C1QTNF3: variants seen among roughly 807,000 people sequenced by gnomAD.
C1QTNF3 encodes C1q and TNF related 3.
Under a neutral mutation model 32.6 loss-of-function variants are expected in C1QTNF3, and 26 were observed. The observed-to-expected ratio is 0.80, with a 90% CI of 0.58 to 1.11. The LOEUF (loss-of-function observed/expected upper bound fraction) is 1.11, where lower values mean the gene tolerates loss of function less well. Among genes scored for constraint, C1QTNF3 ranks in the 50% least tolerant of loss-of-function variants. C1QTNF3 has a pLI of 0.00. For missense variants in C1QTNF3, 362 were observed against 398.2 expected, an observed-to-expected ratio of 0.91 and a Z score of 0.77; for synonymous variants, 155 against 146.0, an observed-to-expected ratio of 1.06 and a Z score of -0.44.
the C1QTNF3 span, among the ~76,000 whole-genome samples, chr5:34,129,390 T>C: frequency 6.6e-6 from 1 of 152,192 alleles, no homozygotes; most frequent in Non-Finnish European, 1.5e-5. Context: ...AGCTGAATTC[T>C]AGAAGTAGAG....
At chr5:34,131,652 G>C in the C1QTNF3 span, among the ~76,000 whole-genome samples, 14 of 152,312 alleles carry the variant, frequency 9.2e-5, no homozygotes, top group East Asian at 2.1e-3. Context: ...AGGATAAAGA[G>C]AGATTTGTCA....
chr5:34,138,298 C>T, the C1QTNF3 span, among the ~76,000 whole-genome samples: 2 of 152,122 alleles, frequency 1.3e-5, no homozygotes, highest in South Asian at 2.1e-4. Flanking sequence ...GTAATACTAA[C>T]GTGAACACTA....
chr5:34,103,350 G>A, the C1QTNF3 span, among the ~76,000 whole-genome samples: 8 of 151,482 alleles, frequency 5.3e-5, no homozygotes, highest in East Asian at 7.7e-4. Context: ...AGGCTGGAGC[G>A]GAGTGTAGTG....
At chr5:34,107,556 TATTA>T in the C1QTNF3 span, among the ~76,000 whole-genome samples, 6 of 151,952 alleles carry the variant, frequency 3.9e-5, no homozygotes, top group African/African-American at 7.2e-5. Flanking sequence ...GAAAATTAAT[TATTA>T]ATTAAGAAAA....
chr5:34,029,096 G>T (rs2112106418), intron 3 of C1QTNF3: 1 of 340,494 alleles, frequency 2.9e-6, no homozygotes, highest in Non-Finnish European at 5.3e-6. Context: ...TCTGAACATA[G>T]GTTTCAAAGA....
chr5:34,216,864 C>A, the C1QTNF3 span, among the ~76,000 whole-genome samples: 1 of 152,060 alleles, frequency 6.6e-6, no homozygotes. Context: ...TAATGCATTG[C>A]CACTAGAATT....
At chr5:34,026,026 G>T (rs1013903780) in intron 4 of C1QTNF3, among the ~76,000 whole-genome samples, 1 of 152,196 alleles carries the variant, frequency 6.6e-6, no homozygotes, top group Admixed American at 6.5e-5. Flanking sequence ...GTGAAAATCT[G>T]ACAGGGCCAC....
At chr5:34,086,704 G>GAT in the C1QTNF3 span, among the ~76,000 whole-genome samples, 1 of 152,166 alleles carries the variant, frequency 6.6e-6, no homozygotes, top group Admixed American at 6.5e-5. Context: ...GATAAAATGT[G>GAT]ATACAGCATT....
the C1QTNF3 span, among the ~76,000 whole-genome samples, chr5:34,240,747 G>A: frequency 1.3e-5 from 2 of 152,148 alleles, no homozygotes; most frequent in Non-Finnish European, 2.9e-5. Context: ...TGAAGAGAAC[G>A]TACTCCTTCC....
the C1QTNF3 span, among the ~76,000 whole-genome samples, chr5:34,204,457 C>T: frequency 6.6e-6 from 1 of 152,142 alleles, no homozygotes; most frequent in African/African-American, 2.4e-5. Flanking sequence ...ATGGATGTAA[C>T]TGGTCATTAT....
intron 4 of C1QTNF3, among the ~76,000 whole-genome samples, chr5:34,025,885 C>T (rs1302367900): frequency 2.0e-5 from 3 of 152,160 alleles, no homozygotes; most frequent in Non-Finnish European, 4.4e-5. Context: ...GAAAATCACA[C>T]AAGAACATTT....
intron 4 of C1QTNF3, 76 bp downstream of exon 4, chr5:34,028,678 C>G: frequency 7.7e-7 from 1 of 1,298,846 alleles, no homozygotes; most frequent in Non-Finnish European, 1.0e-6. Flanking sequence ...CCCTCCCTCT[C>G]TTCTTTCCTT....
chr5:34,223,293 G>C, the C1QTNF3 span, among the ~76,000 whole-genome samples: 2 of 151,114 alleles, frequency 1.3e-5, no homozygotes, highest in African/African-American at 2.4e-5. Flanking sequence ...CCTTGTGATA[G>C]TTGACTGAGA....
At chr5:34,102,777 T>C in the C1QTNF3 span, among the ~76,000 whole-genome samples, 2 of 152,144 alleles carry the variant, frequency 1.3e-5, no homozygotes, top group East Asian at 1.9e-4. Flanking sequence ...TTCTCACTCA[T>C]AGGTGGGAAT....
chr5:34,203,901 C>T, the C1QTNF3 span, among the ~76,000 whole-genome samples: 1 of 151,596 alleles, frequency 6.6e-6, no homozygotes, highest in African/African-American at 2.4e-5. Flanking sequence ...GAACTTAAAT[C>T]TAAAACAGTA....
chr5:34,207,482 A>G, the C1QTNF3 span, among the ~76,000 whole-genome samples: 1 of 152,148 alleles, frequency 6.6e-6, no homozygotes, highest in Non-Finnish European at 1.5e-5. Flanking sequence ...CACTTTTTAG[A>G]AACTCTTTGG....
the C1QTNF3 span, among the ~76,000 whole-genome samples, chr5:34,082,479 T>C: frequency 1.3e-5 from 2 of 151,774 alleles, no homozygotes; most frequent in Admixed American, 6.6e-5. Context: ...GTGCTTTCAA[T>C]GAGTCTTGTT....
the C1QTNF3 span, among the ~76,000 whole-genome samples, chr5:34,210,471 C>T: frequency 6.6e-6 from 1 of 151,262 alleles, no homozygotes; most frequent in Non-Finnish European, 1.5e-5. Context: ...AGGACATTGA[C>T]TAAAAATCGT....
chr5:34,154,900 T>C, the C1QTNF3 span, among the ~76,000 whole-genome samples: 1 of 152,154 alleles, frequency 6.6e-6, no homozygotes, highest in Non-Finnish European at 1.5e-5. Context: ...CTTAGTCTGA[T>C]GGACAGTTGA....
Sources: gnomAD v4.1 joint callset for allele counts (sites outside exome capture counted in the v4.1 genomes callset) on GRCh38, gnomAD v4.1.1 for gene constraint, MANE v1.5 for transcripts, NCBI Gene and HGNC (gene_info 2026-07-23, HGNC 2026-07-21) for gene names.